Variants in PCDHA12 observed in about 807,000 individuals in gnomAD.
PCDHA12 encodes the protein protocadherin alpha-12.
PCDHA12 carries 44 observed loss-of-function variants against 60.0 expected under a neutral mutation model. The ratio of observed to expected loss-of-function variants is 0.73; its 90% CI spans 0.58 to 0.94. The LOEUF (loss-of-function observed/expected upper bound fraction) is 0.94. Ranked by LOEUF, PCDHA12 falls within the 40% of genes least tolerant of loss-of-function variation. The probability of loss-of-function intolerance (pLI) is 0.00; values close to 1 mark genes in which losing one functional copy is unlikely to be tolerated. For synonymous variants in PCDHA12, 569 were observed against 553.0 expected, an observed-to-expected ratio of 1.03 and a Z score of -0.40; for missense variants, 1,276 against 1,239.7, an observed-to-expected ratio of 1.03 and a Z score of -0.44.
intron 1 of PCDHA12, among the ~76,000 whole-genome samples, chr5:140,913,386 T>C (rs1317540233): frequency 6.6e-6 from 1 of 152,228 alleles, no homozygotes; most frequent in Non-Finnish European, 1.5e-5. Context: ...TGGCTCATCA[T>C]AGCCACTAAT....
chr5:140,883,972 C>T (rs781784485), intron 1 of PCDHA12: 2 of 1,612,972 alleles, frequency 1.2e-6, no homozygotes, highest in Non-Finnish European at 8.5e-7. Context: ...TGCTGACGCC[C>T]GGGGCTGGCA....
chr5:140,876,195 G>T lies in PCDHA12; in HGVS notation c.723G>T (p.Ala241=), dbSNP rs1554168359. Residue 241 remains alanine, a synonymous_variant, in exon 1 of 4, where the codon GCG becomes GCT. Transcript: ENST00000398631. The stretch of plus-strand genomic sequence containing the variant: ...TGGATGTGAATGACAATGGTCCGGC[G>T]TTTGATAAGCCCAGCTATAAAGTAG... ...TVLDVNDNGP[A]FDKPSYKVVL... 4 of 1,613,946 alleles carry T rather than the reference G, an allele frequency of 2.5e-6. No homozygotes were observed. In the South Asian group the frequency reaches 4.4e-5, roughly 18 times the overall value.
intron 3 of PCDHA12, among the ~76,000 whole-genome samples, chr5:140,997,328 G>A (rs76646758): frequency 0.013 from 1,948 of 152,070 alleles, 47 homozygotes; most frequent in African/African-American, 0.045. Flanking sequence ...CAGTTTTTTC[G>A]TTGTACAAAT....
intron 3 of PCDHA12, among the ~76,000 whole-genome samples, chr5:141,008,087 A>G (rs1033572346): frequency 7.2e-5 from 11 of 152,172 alleles, no homozygotes; most frequent in African/African-American, 2.7e-4. Flanking sequence ...GTTATTCTAC[A>G]TGACAAAGAA....
chr5:140,889,329 T>C (rs1554183865), intron 1 of PCDHA12, among the ~76,000 whole-genome samples: 2 of 152,090 alleles, frequency 1.3e-5, no homozygotes, highest in Admixed American at 6.5e-5. Context: ...GTATCAGGAT[T>C]TTGATTGGTG....
intron 1 of PCDHA12, chr5:140,929,602 A>G: frequency 2.4e-6 from 1 of 417,610 alleles, no homozygotes; most frequent in Non-Finnish European, 4.3e-6. Flanking sequence ...CTAAAATTAA[A>G]AATAAAATAC....
intron 1 of PCDHA12, among the ~76,000 whole-genome samples, chr5:140,957,373 T>C (rs906109440): frequency 6.6e-5 from 10 of 152,310 alleles, no homozygotes; most frequent in African/African-American, 2.2e-4. Context: ...ACTTTTATTA[T>C]AGTGTATTGT....
intron 1 of PCDHA12, chr5:140,969,258 A>G (rs782513796): frequency 9.3e-6 from 15 of 1,614,106 alleles, no homozygotes; most frequent in Admixed American, 8.3e-5. Context: ...GACAGCAGGA[A>G]TCTCACAGGC....
At chr5:140,960,068 T>C (rs144291604) in intron 1 of PCDHA12, among the ~76,000 whole-genome samples, 1 of 152,358 alleles carries the variant, frequency 6.6e-6, no homozygotes, top group African/African-American at 2.4e-5. Flanking sequence ...GAAGATTCAA[T>C]TGAAGTTTCT....
intron 1 of PCDHA12, among the ~76,000 whole-genome samples, chr5:140,953,120 C>T (rs2094851215): frequency 6.6e-6 from 1 of 152,154 alleles, no homozygotes; most frequent in South Asian, 2.1e-4. Context: ...GGACACAGAT[C>T]TAAACCGTAT....
At chr5:140,968,841 A>G in intron 1 of PCDHA12, 1 of 1,614,222 alleles carries the variant, frequency 6.2e-7, no homozygotes, top group Middle Eastern at 1.6e-4. Context: ...CCTGACACTC[A>G]GAGGCATGTT....
At chr5:140,881,353 G>T (rs537796043) in intron 1 of PCDHA12, 4 of 985,178 alleles carry the variant, frequency 4.1e-6, no homozygotes, top group Non-Finnish European at 4.8e-6. Context: ...GCTACAATGC[G>T]TGGCTTTCGT....
chr5:141,006,338 A>G (rs1201287903), intron 3 of PCDHA12, among the ~76,000 whole-genome samples: 13 of 151,820 alleles, frequency 8.6e-5, no homozygotes, highest in African/African-American at 3.1e-4. Flanking sequence ...CAGCCTCCTG[A>G]GTAGCTGGGA....
At chr5:140,902,203 C>CTTTTTT (rs148688132) in intron 1 of PCDHA12, among the ~76,000 whole-genome samples, 15 of 124,432 alleles carry the variant, frequency 1.2e-4, no homozygotes, top group Non-Finnish European at 2.0e-4. Flanking sequence ...CTCTCTCTTT[C>CTTTTTT]TTTTTTTTTT....
chr5:140,939,551 G>A (rs2092410878), intron 1 of PCDHA12, among the ~76,000 whole-genome samples: 1 of 151,156 alleles, frequency 6.6e-6, no homozygotes, highest in African/African-American at 2.5e-5. Flanking sequence ...ATTTCTTGTT[G>A]TATTAGTTTG....
At chr5:140,958,953 T>A (rs1489065015) in intron 1 of PCDHA12, among the ~76,000 whole-genome samples, 2 of 144,196 alleles carry the variant, frequency 1.4e-5, no homozygotes, top group Non-Finnish European at 3.1e-5. Flanking sequence ...ATTATATTAT[T>A]ATAATTGTTC....
intron 1 of PCDHA12, among the ~76,000 whole-genome samples, chr5:140,931,876 T>G (rs533517349): frequency 1.3e-5 from 2 of 152,112 alleles, no homozygotes; most frequent in South Asian, 4.1e-4. Context: ...AAATATTTAT[T>G]GCTTTCATTT....
intron 3 of PCDHA12, among the ~76,000 whole-genome samples, chr5:140,991,199 C>G (rs1554252002): frequency 6.6e-6 from 1 of 152,150 alleles, no homozygotes; most frequent in East Asian, 1.9e-4. Context: ...CAATGATGCT[C>G]AATAAATTTT....
intron 1 of PCDHA12, among the ~76,000 whole-genome samples, chr5:140,932,637 T>C (rs1554209011): frequency 6.6e-6 from 1 of 151,870 alleles, no homozygotes; most frequent in African/African-American, 2.4e-5. Context: ...TAAAAAACTT[T>C]AGAATGATGA....
Sources: gnomAD v4.1 joint callset for allele counts (sites outside exome capture counted in the v4.1 genomes callset) on GRCh38, gnomAD v4.1.1 for gene constraint, MANE v1.5 for transcripts, NCBI Gene and HGNC (gene_info 2026-07-23, HGNC 2026-07-21) for gene names.